Variants in FSTL5 observed in about 807,000 individuals in gnomAD.
FSTL5 encodes the protein follistatin-related protein 5.
FSTL5 carries 62 observed loss-of-function variants against 89.1 expected under a neutral mutation model. That is an observed-to-expected ratio of 0.70 (90% CI 0.57 to 0.86). FSTL5 has a LOEUF of 0.86. FSTL5 is among the 40% of genes least tolerant of loss of function. The probability of loss-of-function intolerance (pLI) is 0.00; values close to 1 mark genes in which losing one functional copy is unlikely to be tolerated. For synonymous variants in FSTL5, 383 were observed against 346.2 expected (o/e 1.11, Z -1.18); for missense variants, 1,057 against 1,001.6 (o/e 1.06, Z -0.75).
intron 7 of FSTL5, among the ~76,000 whole-genome samples, chr4:161,602,930 T>A (rs1734299013): frequency 6.6e-6 from 1 of 152,184 alleles, no homozygotes; most frequent in African/African-American, 2.4e-5. Context: ...GAAGAAGGAA[T>A]GTAATACCAG....
intron 2 of FSTL5, among the ~76,000 whole-genome samples, chr4:162,066,500 G>A (rs1738921841): frequency 6.7e-6 from 1 of 149,422 alleles, no homozygotes; most frequent in Non-Finnish European, 1.5e-5. Context: ...GTGCCATGGT[G>A]GTTTGCTGCA....
At chr4:161,940,021 G>A (rs1010690752) in intron 3 of FSTL5, among the ~76,000 whole-genome samples, 2 of 151,784 alleles carry the variant, frequency 1.3e-5, no homozygotes, top group African/African-American at 4.8e-5. Flanking sequence ...GCTCAGCAGT[G>A]GTGCTGAAGA....
intron 2 of FSTL5, among the ~76,000 whole-genome samples, chr4:162,109,639 T>C (rs1731359257): frequency 6.6e-6 from 1 of 152,170 alleles, no homozygotes; most frequent in Middle Eastern, 3.4e-3. Flanking sequence ...CCAAACATAA[T>C]TGAAAATAGT....
At chr4:161,611,247 T>C (rs977043159) in intron 7 of FSTL5, among the ~76,000 whole-genome samples, 7 of 143,464 alleles carry the variant, frequency 4.9e-5, no homozygotes, top group East Asian at 4.0e-4. Flanking sequence ...TATATATATA[T>C]ATATATATAT....
intron 6 of FSTL5, among the ~76,000 whole-genome samples, chr4:161,730,852 G>C (rs763832991): frequency 6.6e-6 from 1 of 152,078 alleles, no homozygotes; most frequent in African/African-American, 2.4e-5. Context: ...AATGCTAAGT[G>C]GAAATTGTTA....
chr4:161,734,750 A>G (rs557936950), intron 6 of FSTL5, among the ~76,000 whole-genome samples: 1 of 152,280 alleles, frequency 6.6e-6, no homozygotes, highest in South Asian at 2.1e-4. Context: ...CACAGGAGAC[A>G]TTTGTGACCA....
intron 15 of FSTL5, among the ~76,000 whole-genome samples, chr4:161,393,395 T>A (rs1202003583): frequency 6.6e-6 from 1 of 151,464 alleles, no homozygotes; most frequent in African/African-American, 2.4e-5. Context: ...GGAGAGAAAA[T>A]AAATGGTCTT....
intron 7 of FSTL5, among the ~76,000 whole-genome samples, chr4:161,655,423 G>A (rs543658938): frequency 2.0e-5 from 3 of 152,182 alleles, no homozygotes; most frequent in African/African-American, 4.8e-5. Flanking sequence ...TGACCAATCA[G>A]AGTATTACAT....
At chr4:161,469,442 C>G (rs191647820) in intron 13 of FSTL5, among the ~76,000 whole-genome samples, 75 of 152,276 alleles carry the variant, frequency 4.9e-4, no homozygotes, top group African/African-American at 1.6e-3. Flanking sequence ...GGGTTTCAAT[C>G]TCTCCAACCC....
intron 3 of FSTL5, among the ~76,000 whole-genome samples, chr4:161,950,814 G>A (rs117562976): frequency 1.3e-5 from 2 of 152,280 alleles, no homozygotes; most frequent in East Asian, 3.9e-4. Context: ...TTTGGAAAGA[G>A]TTGTCAGGTA....
At chr4:161,563,657 C>G (rs1026796963) in intron 8 of FSTL5, among the ~76,000 whole-genome samples, 1 of 151,894 alleles carries the variant, frequency 6.6e-6, no homozygotes, top group African/African-American at 2.4e-5. Flanking sequence ...CTAATCACCC[C>G]GTAGCAGTCA....
At chr4:162,053,061 T>C (rs557980878) in intron 2 of FSTL5, among the ~76,000 whole-genome samples, 2 of 151,908 alleles carry the variant, frequency 1.3e-5, no homozygotes, top group South Asian at 2.1e-4. Flanking sequence ...ACAAATGAAG[T>C]AAAAAATTAA....
chr4:161,852,414 C>G (rs779938683), intron 4 of FSTL5, among the ~76,000 whole-genome samples: 1 of 152,064 alleles, frequency 6.6e-6, no homozygotes, highest in Non-Finnish European at 1.5e-5. Flanking sequence ...CATTGAGATA[C>G]CATCTCACAC....
At chr4:161,954,397 G>A (rs746221977) in intron 3 of FSTL5, among the ~76,000 whole-genome samples, 6 of 151,528 alleles carry the variant, frequency 4.0e-5, no homozygotes, top group African/African-American at 1.4e-4. Context: ...AATGCCTCCA[G>A]TATTTTGCTA....
At chr4:162,001,599 TG>T (rs1553990376) in intron 3 of FSTL5, among the ~76,000 whole-genome samples, 2 of 828 alleles carry the variant, frequency 2.4e-3, no homozygotes, top group African/African-American at 0.014. Context: ...ATACATGCAT[TG>T]TGTGTGTGTG....
intron 4 of FSTL5, among the ~76,000 whole-genome samples, chr4:161,780,797 T>G (rs1579087700): frequency 6.6e-6 from 1 of 152,302 alleles, no homozygotes; most frequent in African/African-American, 2.4e-5. Flanking sequence ...GTGCTAAAAA[T>G]TATAGATTAT....
At chr4:161,851,306 T>C (rs1480124478) in intron 4 of FSTL5, among the ~76,000 whole-genome samples, 1 of 152,202 alleles carries the variant, frequency 6.6e-6, no homozygotes, top group South Asian at 2.1e-4. Context: ...AGAAGATTTT[T>C]ACAACATATA....
intron 2 of FSTL5, among the ~76,000 whole-genome samples, chr4:162,066,891 A>T (rs912793649): frequency 3.9e-5 from 6 of 152,092 alleles, no homozygotes; most frequent in African/African-American, 1.4e-4. Context: ...TGCATTAAAC[A>T]TACATGTGCA....
intron 8 of FSTL5, among the ~76,000 whole-genome samples, chr4:161,555,591 G>A (rs1022730532): frequency 6.6e-6 from 1 of 151,482 alleles, no homozygotes; most frequent in Non-Finnish European, 1.5e-5. Flanking sequence ...CTCCTAAGCA[G>A]AAAATTTGAA....
Sources: allele counts gnomAD v4.1 joint callset (sites outside exome capture counted in the v4.1 genomes callset), GRCh38; gene constraint gnomAD v4.1.1; transcripts MANE v1.5; gene names NCBI Gene and HGNC (gene_info 2026-07-23, HGNC 2026-07-21).